CDKAL1: variants seen among roughly 807,000 people sequenced by gnomAD.
The protein encoded by CDKAL1 is CDKAL1 threonylcarbamoyladenosine tRNA methylthiotransferase.
In CDKAL1, 32 loss-of-function variants were observed where a neutral mutation model predicts 68.2. The ratio of observed to expected loss-of-function variants is 0.47; its 90% CI spans 0.35 to 0.63. The LOEUF (loss-of-function observed/expected upper bound fraction) is 0.63, where lower values mean the gene tolerates loss of function less well. Among genes scored for constraint, CDKAL1 ranks in the 30% least tolerant of loss-of-function variants. The probability of loss-of-function intolerance (pLI) is 0.00; values close to 1 mark genes in which losing one functional copy is unlikely to be tolerated. For synonymous variants in CDKAL1, 234 were observed against 244.3 expected, an observed-to-expected ratio of 0.96 and a Z score of 0.39; for missense variants, 606 against 696.7, an observed-to-expected ratio of 0.87 and a Z score of 1.47.
chr6:21,013,592 T>C (rs2150844831), intron 11 of CDKAL1, among the ~76,000 whole-genome samples: 1 of 152,374 alleles, frequency 6.6e-6, no homozygotes, highest in African/African-American at 2.4e-5. Context: ...AGGAGCCAGC[T>C]ATATTCAACA....
At chr6:20,762,679 A>G (rs1774521513) in intron 7 of CDKAL1, among the ~76,000 whole-genome samples, 1 of 152,170 alleles carries the variant, frequency 6.6e-6, no homozygotes, top group South Asian at 2.1e-4. Context: ...AATGGATAAG[A>G]CTTTTGAGGT....
chr6:21,155,085 A>G (rs924767863), intron 13 of CDKAL1, among the ~76,000 whole-genome samples: 3 of 151,596 alleles, frequency 2.0e-5, no homozygotes, highest in African/African-American at 7.3e-5. Flanking sequence ...TTTACTGCTG[A>G]CCTATTGGTA....
In CDKAL1 at chr6:21,153,443, A is replaced by G. The variant is rs192811960; in HGVS notation, c.1300-44578A>G. ...AATTATGGCAGCTGTTTAATCATCA[A>G]TAGTAATATTTTATCTTAATCATAA... is the stretch of plus-strand genomic sequence containing the variant. On this transcript the variant is annotated intron_variant, in intron 13 of 15. Transcript: ENST00000274695. 7.2e-5 allele frequency among the ~76,000 whole-genome samples: 11 copies of G among 152,262 alleles called. No individual in the cohort carries two copies. The East Asian group carries it at 2.1e-3, about 29-fold the overall frequency.
intron 11 of CDKAL1, among the ~76,000 whole-genome samples, chr6:21,005,621 G>A (rs909476418): frequency 3.3e-5 from 5 of 152,160 alleles, no homozygotes; most frequent in Non-Finnish European, 5.9e-5. Flanking sequence ...TGGATCTAAC[G>A]TTAAGTTGCA....
At chr6:20,822,548 G>C (rs1411405818) in intron 8 of CDKAL1, among the ~76,000 whole-genome samples, 1 of 150,928 alleles carries the variant, frequency 6.6e-6, no homozygotes, top group Non-Finnish European at 1.5e-5. Flanking sequence ...TCAGCGATAG[G>C]GTTAGGCTTT....
intron 13 of CDKAL1, among the ~76,000 whole-genome samples, chr6:21,138,256 T>C (rs1338295345): frequency 6.6e-6 from 1 of 151,882 alleles, no homozygotes; most frequent in Admixed American, 6.6e-5. Context: ...TGTGTGTGTG[T>C]ATGCTGTATG....
chr6:21,127,374 TTTGA>T (rs1418286056), intron 13 of CDKAL1, among the ~76,000 whole-genome samples: 1 of 152,224 alleles, frequency 6.6e-6, no homozygotes, highest in Non-Finnish European at 1.5e-5. Flanking sequence ...AGAGGAATTG[TTTGA>T]TTGAACCATG....
At chr6:21,141,708 A>C (rs147014182) in intron 13 of CDKAL1, among the ~76,000 whole-genome samples, 14 of 152,308 alleles carry the variant, frequency 9.2e-5, no homozygotes, top group African/African-American at 3.4e-4. Context: ...AAGAAGGGGT[A>C]GAGAAATTAT....
At chr6:20,960,208 A>G (rs1764985712) in intron 10 of CDKAL1, among the ~76,000 whole-genome samples, 1 of 152,118 alleles carries the variant, frequency 6.6e-6, no homozygotes, top group Admixed American at 6.6e-5. Flanking sequence ...AGCGCTCTAC[A>G]GCCTTGAACT....
At chr6:21,058,407 T>C (rs1256664497) in intron 11 of CDKAL1, among the ~76,000 whole-genome samples, 1 of 152,372 alleles carries the variant, frequency 6.6e-6, no homozygotes, top group East Asian at 1.9e-4. Context: ...TATGTGTGTC[T>C]TTGCACATGA....
At chr6:20,799,550 C>T in intron 8 of CDKAL1, among the ~76,000 whole-genome samples, 1 of 152,094 alleles carries the variant, frequency 6.6e-6, no homozygotes, top group South Asian at 2.1e-4. Context: ...CGTGATTTGA[C>T]TTATTATATA....
intron 10 of CDKAL1, among the ~76,000 whole-genome samples, chr6:20,994,784 T>C (rs1767016182): frequency 6.6e-6 from 1 of 152,228 alleles, no homozygotes; most frequent in Admixed American, 6.5e-5. Context: ...TAAAATACTT[T>C]ATTGCTAAAA....
chr6:20,828,053 A>G (rs112806019), intron 8 of CDKAL1, among the ~76,000 whole-genome samples: 3 of 152,258 alleles, frequency 2.0e-5, no homozygotes, highest in African/African-American at 7.2e-5. Flanking sequence ...CAAACAACAA[A>G]TGTGGAATTA....
At position 20,781,128 on chromosome 6, in the gene CDKAL1, A is replaced by C. The variant is rs770293706; in HGVS notation, c.518-17A>C. 10 of 1,610,514 alleles carry C rather than the reference A, an allele frequency of 6.2e-6. No homozygotes were observed. The highest frequency in any genetic ancestry group is 5.9e-6 in the Non-Finnish European group (7 of 1,179,020). On this transcript the variant is annotated splice_polypyrimidine_tract_variant and intron_variant, in intron 7 of 15. Coordinates refer to ENST00000274695, the MANE Select transcript of CDKAL1 (RefSeq NM_017774.3). ...GTGTAACTCTTGCTAATGTATATTT[A>C]TGTGCTTGATTTGAAGGTCACTCTG... is the stretch of plus-strand genomic sequence containing the variant.
At chr6:20,855,127 T>C (rs1400312781) in intron 9 of CDKAL1, among the ~76,000 whole-genome samples, 2 of 152,182 alleles carry the variant, frequency 1.3e-5, no homozygotes, top group Non-Finnish European at 2.9e-5. Context: ...GAAAGTTATA[T>C]ATTTTGGCAT....
chr6:20,982,304 C>T (rs762681611), intron 10 of CDKAL1, among the ~76,000 whole-genome samples: 3 of 152,032 alleles, frequency 2.0e-5, no homozygotes, highest in Non-Finnish European at 2.9e-5. Context: ...AGCAATCTGC[C>T]TGCCTCAGCC....
intron 8 of CDKAL1, among the ~76,000 whole-genome samples, chr6:20,797,205 T>TA (rs1311098661): frequency 3.3e-5 from 5 of 152,266 alleles, no homozygotes; most frequent in African/African-American, 1.2e-4. Context: ...AAAATACGGG[T>TA]AAAAGACTTG....
chr6:20,854,783 G>A (rs1356709182), intron 9 of CDKAL1, among the ~76,000 whole-genome samples: 1 of 152,150 alleles, frequency 6.6e-6, no homozygotes, highest in Non-Finnish European at 1.5e-5. Context: ...TTTTATTTAC[G>A]TTTTACTCTT....
intron 8 of CDKAL1, among the ~76,000 whole-genome samples, chr6:20,821,473 C>T (rs1777276433): frequency 6.6e-6 from 1 of 152,150 alleles, no homozygotes; most frequent in South Asian, 2.1e-4. Context: ...AGCCTGGTTA[C>T]TCTTCTGTAT....
Sources: allele counts gnomAD v4.1 joint callset (sites outside exome capture counted in the v4.1 genomes callset), GRCh38; gene constraint gnomAD v4.1.1; transcripts MANE v1.5; gene names NCBI Gene and HGNC (gene_info 2026-07-23, HGNC 2026-07-21).